The following SLIT3 variants were observed in gnomAD, a reference collection of about 807,000 sequenced individuals.
SLIT3 encodes slit guidance ligand 3.
SLIT3 carries 68 observed loss-of-function variants against 184.0 expected under a neutral mutation model. The ratio of observed to expected loss-of-function variants is 0.37; its 90% confidence interval spans 0.30 to 0.45. The LOEUF is 0.45. Ranked by LOEUF, SLIT3 falls within the 20% of genes least tolerant of loss-of-function variation. The pLI, the probability that SLIT3 is intolerant of heterozygous loss-of-function variation, is 1.00. For missense variants in SLIT3, 1,707 were observed against 2,026.0 expected (o/e 0.84, Z 3.02); for synonymous variants, 831 against 828.6 (o/e 1.00, Z -0.05).
intron 5 of SLIT3, among the ~76,000 whole-genome samples, chr5:168,850,808 T>A (rs1206271928): frequency 6.6e-6 from 1 of 152,192 alleles, no homozygotes; most frequent in Non-Finnish European, 1.5e-5. Flanking sequence ...TCCACTCCAG[T>A]AGATGCTCCT....
intron 10 of SLIT3, among the ~76,000 whole-genome samples, chr5:168,794,230 C>T (rs1756486297): frequency 6.6e-6 from 1 of 152,144 alleles, no homozygotes; most frequent in Non-Finnish European, 1.5e-5. Context: ...CTCTCTCTTT[C>T]CTCTGTGGGA....
chr5:169,226,713 A>AC (rs1286197201), intron 3 of SLIT3, among the ~76,000 whole-genome samples: 1 of 152,046 alleles, frequency 6.6e-6, no homozygotes, highest in East Asian at 1.9e-4. Flanking sequence ...CAAAACCCCT[A>AC]CCCCATATTA....
intron 26 of SLIT3, 44 bp downstream of exon 26, chr5:168,707,932 G>C: frequency 6.2e-7 from 1 of 1,612,198 alleles, no homozygotes; most frequent in Non-Finnish European, 8.5e-7. Context: ...GGCTGAAGGA[G>C]GAGCCTGAGG....
chr5:168,872,089 T>A (rs1759543186), intron 5 of SLIT3, among the ~76,000 whole-genome samples: 1 of 152,346 alleles, frequency 6.6e-6, no homozygotes, highest in South Asian at 2.1e-4. Flanking sequence ...ACCTGCTCTA[T>A]GCACTTTGAC....
chr5:168,761,356 G>C (rs1211339841), intron 15 of SLIT3, among the ~76,000 whole-genome samples: 1 of 152,106 alleles, frequency 6.6e-6, no homozygotes, highest in Non-Finnish European at 1.5e-5. Context: ...AGCAGCTCGG[G>C]AACTTCACAG....
intron 14 of SLIT3, among the ~76,000 whole-genome samples, chr5:168,765,357 T>C (rs1470285725): frequency 6.6e-6 from 1 of 152,208 alleles, no homozygotes. Context: ...ACTAATGTGT[T>C]CTTTCCAGCA....
intron 4 of SLIT3, among the ~76,000 whole-genome samples, chr5:169,139,401 T>A (rs1026036347): frequency 1.3e-5 from 2 of 152,214 alleles, no homozygotes; most frequent in African/African-American, 4.8e-5. Flanking sequence ...ATGTGTGATG[T>A]TATCTAATCC....
At chr5:168,906,700 T>A (rs1204485493) in intron 4 of SLIT3, among the ~76,000 whole-genome samples, 1 of 152,156 alleles carries the variant, frequency 6.6e-6, no homozygotes, top group Non-Finnish European at 1.5e-5. Context: ...AACATGTACT[T>A]TGTAACTCTA....
intron 3 of SLIT3, among the ~76,000 whole-genome samples, chr5:169,208,328 A>T (rs1764145320): frequency 1.3e-5 from 2 of 152,198 alleles, no homozygotes; most frequent in Non-Finnish European, 2.9e-5. Flanking sequence ...TATTTCCTTG[A>T]GCAGTGGTTT....
intron 4 of SLIT3, among the ~76,000 whole-genome samples, chr5:169,165,552 T>C (rs780577287): frequency 9.2e-5 from 14 of 152,258 alleles, no homozygotes; most frequent in Non-Finnish European, 1.6e-4. Context: ...AACCCTATTT[T>C]TTCACGGATT....
At chr5:168,752,761 C>T in intron 18 of SLIT3, 194 bp downstream of exon 18, 1 of 585,280 alleles carries the variant, frequency 1.7e-6, no homozygotes, top group Non-Finnish European at 3.0e-6. Context: ...CTGTGAGTTC[C>T]AGGAAGGAGG....
At chr5:169,102,512 G>A (rs1760058981) in intron 4 of SLIT3, among the ~76,000 whole-genome samples, 2 of 152,024 alleles carry the variant, frequency 1.3e-5, no homozygotes, top group Admixed American at 1.3e-4. Flanking sequence ...AATACCTAAT[G>A]CAATGTAAAG....
intron 4 of SLIT3, among the ~76,000 whole-genome samples, chr5:169,053,696 C>G (rs1174140387): frequency 6.6e-6 from 1 of 151,826 alleles, no homozygotes; most frequent in Non-Finnish European, 1.5e-5. Flanking sequence ...GAATTCCCCG[C>G]CCCCTTCTTT....
At chr5:169,060,380 A>G (rs1758137429) in intron 4 of SLIT3, among the ~76,000 whole-genome samples, 1 of 149,920 alleles carries the variant, frequency 6.7e-6, no homozygotes, top group Admixed American at 6.7e-5. Flanking sequence ...TGACAGAGCA[A>G]GACTCCATCT....
intron 21 of SLIT3, among the ~76,000 whole-genome samples, 168 bp from the exon 22 acceptor site, chr5:168,723,172 T>C (rs892374633): frequency 9.9e-5 from 15 of 151,970 alleles, no homozygotes; most frequent in Non-Finnish European, 1.8e-4. Context: ...GCTGCTGGCC[T>C]GTTTATCTAC....
At chr5:168,926,678 A>T (rs975068852) in intron 4 of SLIT3, among the ~76,000 whole-genome samples, 8 of 151,654 alleles carry the variant, frequency 5.3e-5, no homozygotes, top group Non-Finnish European at 1.0e-4. Flanking sequence ...CAACATGATT[A>T]AAAAATGGGT....
At chr5:169,020,158 T>C (rs1176972082) in intron 4 of SLIT3, among the ~76,000 whole-genome samples, 2 of 152,220 alleles carry the variant, frequency 1.3e-5, no homozygotes, top group African/African-American at 2.4e-5. Flanking sequence ...TAAAATATTT[T>C]ACTATCTGGC....
At chr5:169,246,921 CAAAAAAA>C (rs34365189) in intron 2 of SLIT3, among the ~76,000 whole-genome samples, 3 of 25,616 alleles carry the variant, frequency 1.2e-4, no homozygotes, top group African/African-American at 1.7e-4. Flanking sequence ...GACTCTGTCT[CAAAAAAA>C]AAAAAAAAAA....
intron 4 of SLIT3, among the ~76,000 whole-genome samples, chr5:168,897,849 C>G (rs1760738115): frequency 6.6e-6 from 1 of 152,138 alleles, no homozygotes; most frequent in Admixed American, 6.5e-5. Flanking sequence ...GGACCCTGCA[C>G]CGAGCTCAGG....
Sources: gnomAD v4.1 joint callset for allele counts (sites outside exome capture counted in the v4.1 genomes callset) on GRCh38, gnomAD v4.1.1 for gene constraint, MANE v1.5 for transcripts, NCBI Gene and HGNC (gene_info 2026-07-23, HGNC 2026-07-21) for gene names.